ABCG1: variants seen among roughly 807,000 people sequenced by gnomAD.
ABCG1 encodes ATP binding cassette subfamily G member 1.
A neutral mutation model predicts 69.2 loss-of-function variants in ABCG1; 29 were observed. The observed-to-expected ratio is 0.42, with a 90% confidence interval of 0.31 to 0.57. ABCG1 has a LOEUF of 0.57. ABCG1 is among the 20% of genes least tolerant of loss of function. ABCG1 has a pLI of 0.15. For missense variants in ABCG1, 718 were observed against 898.1 expected (o/e 0.80, Z 2.56); for synonymous variants, 370 against 374.8 (o/e 0.99, Z 0.15).
upstream of ABCG1, chr21:42,215,994 C>T (rs1176129905): frequency 8.0e-6 from 2 of 248,836 alleles, no homozygotes; most frequent in African/African-American, 4.6e-5. Flanking sequence ...TAGGAAGGAC[C>T]TGGTCAGAGA....
chr21:42,217,080 C>A (rs1423071182), upstream of ABCG1, among the ~76,000 whole-genome samples: 3 of 152,202 alleles, frequency 2.0e-5, no homozygotes, highest in Non-Finnish European at 4.4e-5. Flanking sequence ...CCATTCCCAG[C>A]AGCCCAGTAA....
At chr21:42,219,139 C>G (rs1373762248), upstream of ABCG1, 3 of 927,632 alleles carry the variant, frequency 3.2e-6, no homozygotes, top group Non-Finnish European at 4.1e-6. The surrounding 1 kb of genome is among the most constrained non-coding windows in gnomAD (Gnocchi z 5.3). Context: ...GGATCCCAGC[C>G]GGAGCCCAAG....
intron 5 of ABCG1, among the ~76,000 whole-genome samples, chr21:42,279,184 T>C (rs752366688): frequency 6.6e-6 from 1 of 151,734 alleles, no homozygotes; most frequent in African/African-American, 2.4e-5. Context: ...GAGGGGCGGC[T>C]GTGGGGGCTC....
chr21:42,286,148 A>G, intron 8 of ABCG1, 154 bp downstream of exon 8: 1 of 604,070 alleles, frequency 1.7e-6, no homozygotes, highest in South Asian at 1.9e-5. Context: ...GAACAAAAAA[A>G]TTAGGTTTCA....
intron 2 of ABCG1, among the ~76,000 whole-genome samples, chr21:42,242,415 T>G (rs2068065154): frequency 6.6e-6 from 1 of 152,142 alleles, no homozygotes; most frequent in Admixed American, 6.5e-5. Flanking sequence ...CGGGGAGGGT[T>G]GCTTGAGGCT....
Position 42,219,261 on chromosome 21 carries a change from G to A in ABCG1, c.-2G>A, listed in dbSNP as rs776165206. ...CGCCGCCGCCGCCGCCGCCCCCGGG[G>A]CATGGCCTGTCTGATGGCCGCTTTC... On this transcript the variant is annotated 5_prime_UTR_variant, in exon 1 of 15. Coordinates refer to ENST00000398449, the MANE Select transcript of ABCG1 (RefSeq NM_016818.3). The surrounding 1 kb of genome is among the most constrained non-coding windows in gnomAD (Gnocchi z 5.3). 6 of 1,573,264 alleles carry A rather than the reference G, an allele frequency of 3.8e-6. No homozygotes were observed. The East Asian group carries it at 1.2e-4, about 31-fold the overall frequency.
chr21:42,202,166 G>C (rs928403990), intron 2 of ABCG1, among the ~76,000 whole-genome samples: 1 of 152,198 alleles, frequency 6.6e-6, no homozygotes, highest in Non-Finnish European at 1.5e-5. Context: ...CGGTTGGTCT[G>C]CTATTGAGTA....
At chr21:42,237,924 C>T (rs2068000091) in intron 2 of ABCG1, among the ~76,000 whole-genome samples, 1 of 152,186 alleles carries the variant, frequency 6.6e-6, no homozygotes, top group Non-Finnish European at 1.5e-5. Flanking sequence ...TCTTCTTAAC[C>T]ATGTGACCCT....
At chr21:42,222,248 G>A (rs1230660057) in intron 1 of ABCG1, among the ~76,000 whole-genome samples, 2 of 152,226 alleles carry the variant, frequency 1.3e-5, no homozygotes, top group African/African-American at 4.8e-5. Context: ...ATTGCCGGCA[G>A]CTCTCATCGG....
chr21:42,207,637 C>T (rs952215205), intron 2 of ABCG1, among the ~76,000 whole-genome samples: 2 of 152,178 alleles, frequency 1.3e-5, no homozygotes, highest in African/African-American at 2.4e-5. Context: ...GACGGGGGCA[C>T]GGCACTGCCA....
intron 2 of ABCG1, among the ~76,000 whole-genome samples, chr21:42,242,584 C>G (rs2068067719): frequency 6.6e-6 from 1 of 152,140 alleles, no homozygotes; most frequent in South Asian, 2.1e-4. Flanking sequence ...GTACCTGGAA[C>G]CAAGTGGTGA....
intron 2 of ABCG1, chr21:42,259,520 G>C (rs1460150691): frequency 5.2e-6 from 8 of 1,538,752 alleles, no homozygotes; most frequent in Non-Finnish European, 7.0e-6. Flanking sequence ...ATTGACTGAG[G>C]CTGGCTGGCT....
intron 2 of ABCG1, among the ~76,000 whole-genome samples, chr21:42,269,316 G>A (rs1210497021): frequency 6.6e-6 from 1 of 152,192 alleles, no homozygotes; most frequent in Non-Finnish European, 1.5e-5. Flanking sequence ...GCTTGCTCCT[G>A]TGGAGGAAGT....
intron 2 of ABCG1, among the ~76,000 whole-genome samples, chr21:42,230,080 C>T (rs556373381): frequency 9.8e-5 from 15 of 152,318 alleles, no homozygotes; most frequent in South Asian, 2.1e-4. Context: ...AAAGGCGATG[C>T]GGGAAACAGT....
intron 1 of ABCG1, among the ~76,000 whole-genome samples, chr21:42,225,457 C>G (rs924563247): frequency 6.6e-6 from 1 of 152,140 alleles, no homozygotes; most frequent in East Asian, 1.9e-4. Context: ...CAGTGTAACA[C>G]TTTACCTTAA....
chr21:42,215,437 T>G (rs148738564), upstream of ABCG1, among the ~76,000 whole-genome samples: 205 of 152,184 alleles, frequency 1.3e-3, no homozygotes, highest in African/African-American at 4.7e-3. Context: ...GGAATAAGAG[T>G]TCTCTTCCCA....
chr21:42,250,335 AG>A (rs2068199726), intron 2 of ABCG1, among the ~76,000 whole-genome samples: 1 of 151,978 alleles, frequency 6.6e-6, no homozygotes, highest in Non-Finnish European at 1.5e-5. Flanking sequence ...GGCATTATAG[AG>A]GGGGTGGAAG....
At chr21:42,239,482 A>G (rs889485576) in intron 2 of ABCG1, among the ~76,000 whole-genome samples, 4 of 152,132 alleles carry the variant, frequency 2.6e-5, no homozygotes, top group Non-Finnish European at 5.9e-5. Context: ...GCAAGGGTAT[A>G]GTTGGTGGCC....
At chr21:42,257,628 A>G (rs892985848) in intron 2 of ABCG1, among the ~76,000 whole-genome samples, 3 of 152,202 alleles carry the variant, frequency 2.0e-5, no homozygotes, top group Admixed American at 2.0e-4. Context: ...CTTTGGCCAC[A>G]TTCCAACAAT....
Sources: gnomAD v4.1 joint callset for allele counts (sites outside exome capture counted in the v4.1 genomes callset) on GRCh38, gnomAD v4.1.1 for gene constraint, Gnocchi (gnomAD v3.1) non-coding constraint, MANE v1.5 for transcripts, NCBI Gene and HGNC (gene_info 2026-07-23, HGNC 2026-07-21) for gene names.